ZNF709: variants seen among roughly 807,000 people sequenced by gnomAD.
The protein encoded by ZNF709 is zinc finger protein 709.
ZNF709 carries 15 observed loss-of-function variants against 10.6 expected under a neutral mutation model. The observed-to-expected ratio is 1.41, with a 90% CI of 0.95 to 2.18. The LOEUF (loss-of-function observed/expected upper bound fraction) is 2.18, where lower values mean the gene tolerates loss of function less well. Among genes scored for constraint, ZNF709 ranks in the 30% most tolerant of loss-of-function variants. The pLI is 0.00. For missense variants in ZNF709, 589 were observed against 774.0 expected (o/e 0.76, Z 2.84); for synonymous variants, 194 against 238.8 (o/e 0.81, Z 1.73).
At chr19:12,467,720 C>T (rs1041386918) in intron 1 of ZNF709, among the ~76,000 whole-genome samples, 2 of 151,742 alleles carry the variant, frequency 1.3e-5, no homozygotes, top group African/African-American at 2.4e-5. Flanking sequence ...GGCGGCCCAT[C>T]GTCTGAGAGG....
intron 1 of ZNF709, among the ~76,000 whole-genome samples, chr19:12,473,200 A>G (rs1970648977): frequency 6.6e-6 from 1 of 152,224 alleles, no homozygotes; most frequent in Admixed American, 6.5e-5. Flanking sequence ...AGTATTTTTC[A>G]CAAGAGCAAA....
Position 12,461,228 on chromosome 19 carries a change from AAT to A in ZNF709, c.*2766_*2767del, listed in dbSNP as rs1322785856. Reference sequence around the variant, plus strand: ...TTTAATATATCCTTGCAGAAAATTAAATAGACAAGTGATAGCATACAAGTTAT... The same window carrying A: ...TTTAATATATCCTTGCAGAAAATTAAAGACAAGTGATAGCATACAAGTTAT... On this transcript the variant is annotated 3_prime_UTR_variant, in exon 4 of 4. Transcript: ENST00000397732. 18 of 152,254 alleles carry A rather than the reference AAT, an allele frequency of 1.2e-4. No individual in the cohort carries two copies. Among genetic ancestry groups the A allele is most frequent in the African/African-American group, 4.3e-4 (18 of 41,468 alleles). 9.4% of individuals were successfully genotyped at this position (152,254 alleles called of 1,614,324 possible).
intron 1 of ZNF709, among the ~76,000 whole-genome samples, chr19:12,475,460 A>G (rs2145001821): frequency 6.6e-6 from 1 of 152,244 alleles, no homozygotes; most frequent in South Asian, 2.1e-4. Context: ...AACAGAAATT[A>G]CTAATATCAC....
At chr19:12,479,801 AG>A (rs1204618310) in intron 1 of ZNF709, among the ~76,000 whole-genome samples, 8 of 152,052 alleles carry the variant, frequency 5.3e-5, no homozygotes, top group South Asian at 2.1e-4. Flanking sequence ...ACCTGGGAGT[AG>A]GAGACTGCAG....
At chr19:12,468,307 AAAG>A (rs1342840134) in intron 1 of ZNF709, among the ~76,000 whole-genome samples, 7 of 152,176 alleles carry the variant, frequency 4.6e-5, no homozygotes, top group African/African-American at 1.7e-4. Flanking sequence ...GTCTGTGTAG[AAAG>A]AAGTAGACAT....
At chr19:12,469,002 G>A (rs564185115) in intron 1 of ZNF709, among the ~76,000 whole-genome samples, 105 of 152,088 alleles carry the variant, frequency 6.9e-4, no homozygotes, top group Non-Finnish European at 1.4e-3. Flanking sequence ...CACTATGCCC[G>A]GCTAATTTTT....
At chr19:12,470,297 G>T (rs1306441214) in intron 1 of ZNF709, among the ~76,000 whole-genome samples, 1 of 152,116 alleles carries the variant, frequency 6.6e-6, no homozygotes, top group Non-Finnish European at 1.5e-5. Flanking sequence ...CCTGATACTA[G>T]AATTTACCTA....
rs2144986874 is a variant in ZNF709, at chr19:12,465,495, T to C, written c.427A>G (p.Lys143Glu). ...AAGCTGAATCTTTTCCCACATTCCT[T>C]ACATTCATATGATTTCTCTCCATAT... ...HKYGEKSYEC[K>E]ECGKRFSFRS... The change falls in exon 4 of 4, where the codon AAG (lysine) becomes GAG (glutamate). Residue 143 changes from lysine (K) to glutamate (E), a missense_variant. Coordinates refer to ENST00000397732, the MANE Select transcript of ZNF709 (RefSeq NM_152601.4). 6.2e-7 allele frequency: 1 copy of C among 1,610,388 alleles called. No homozygotes were observed. Among genetic ancestry groups the C allele is most frequent in the Non-Finnish European group, 8.5e-7 (1 of 1,178,736 alleles).
intron 3 of ZNF709, 62 bp downstream of exon 3, chr19:12,466,400 A>T (rs1481443378): frequency 2.8e-6 from 4 of 1,453,380 alleles, no homozygotes; most frequent in African/African-American, 1.4e-5. Flanking sequence ...TCATTTTTTA[A>T]ACCTAATGGC....
At chr19:12,473,702 A>G (rs1381809977) in intron 1 of ZNF709, among the ~76,000 whole-genome samples, 1 of 152,146 alleles carries the variant, frequency 6.6e-6, no homozygotes, top group Admixed American at 6.5e-5. Flanking sequence ...TATTATTACT[A>G]TTTGTGTGTC....
chr19:12,467,289 G>A lies in ZNF709; in HGVS notation c.4-439C>T, dbSNP rs572577826. ...AGTGCCTGCGATTGCAGGCGCGCGCGCCGCCACGCCTGACTGGTTTTCGTA... is the reference window on the plus strand; with the variant it reads ...AGTGCCTGCGATTGCAGGCGCGCGCACCGCCACGCCTGACTGGTTTTCGTA... On this transcript the variant is annotated intron_variant, in intron 1 of 3. Transcript: ENST00000397732. 1.1e-4 allele frequency among the ~76,000 whole-genome samples: 16 copies of A among 152,284 alleles called. No homozygotes were observed. In the East Asian group the frequency reaches 1.9e-3, roughly 18 times the overall value.
At chr19:12,472,521 C>CAAA (rs34678727) in intron 1 of ZNF709, among the ~76,000 whole-genome samples, 14 of 84,592 alleles carry the variant, frequency 1.7e-4, no homozygotes, top group Middle Eastern at 0.01. Flanking sequence ...GACTCCATCT[C>CAAA]AAAAAAAAAA....
In ZNF709 at chr19:12,465,136, T is replaced by C; in HGVS notation, c.786A>G (p.Arg262=). 1 of 1,611,532 alleles carries C rather than the reference T, an allele frequency of 6.2e-7. No individual in the cohort carries two copies. Among genetic ancestry groups the C allele is most frequent in the South Asian group, 1.1e-5 (1 of 90,556 alleles). The change falls in exon 4 of 4, where the codon AGA becomes AGG. Residue 262 remains arginine (R), a synonymous_variant. Coordinates refer to ENST00000397732, the MANE Select transcript of ZNF709 (RefSeq NM_152601.4). ...CATGTATTTGAAAAGTTTGGTAATA[T>C]CTGAAAGCTTTTCCACATTGTTTAC... ...YECKQCGKAF[R]YYQTFQIHER...
At position 12,465,240 on chromosome 19, in the gene ZNF709, C is replaced by G. The variant is rs749011851; in HGVS notation, c.682G>C (p.Glu228Gln). Residue 228 changes from glutamate to glutamine, a missense_variant, in exon 4 of 4, where the codon GAA (glutamate) becomes CAA (glutamine). Around this residue, in one of 2 missense-constraint regions of ZNF709, gnomAD observed 418 missense variants for 496.3 expected, o/e 0.84. Transcript: ENST00000397732. ...HTGEKPYKCK[E>Q]CGKTFSHPSS... ...GGATGACTGAACGTTTTCCCGCATT[C>G]TTTACATTTATAGGGTTTCTCCCCT... 1.9e-6 allele frequency: 3 copies of G among 1,612,746 alleles called. No homozygotes were observed. Among genetic ancestry groups the G allele is most frequent in the Non-Finnish European group, 2.5e-6 (3 of 1,179,104 alleles).
At chr19:12,484,519 A>C (rs1970761278) in intron 1 of ZNF709, 136 bp downstream of exon 1, 2 of 1,216,984 alleles carry the variant, frequency 1.6e-6, no homozygotes, top group Non-Finnish European at 2.3e-6. Flanking sequence ...CCGAGGGCCG[A>C]GCTGCGCCAG....
At chr19:12,466,375 A>C (rs1970570713) in intron 3 of ZNF709, 87 bp downstream of exon 3, 2 of 1,319,350 alleles carry the variant, frequency 1.5e-6, no homozygotes, top group African/African-American at 3.0e-5. Context: ...AATGGGGCTT[A>C]TTTGTTTCAA....
rs1350990090 is a variant in ZNF709, at chr19:12,462,346, G to C, written c.*1650C>G. The C allele has an allele frequency of 6.6e-6, 1 of 152,092 alleles. No individual in the cohort carries two copies. The highest frequency in any genetic ancestry group is 1.5e-5 in the Non-Finnish European group (1 of 68,030). 9.4% of individuals were successfully genotyped at this position (152,092 alleles called of 1,614,324 possible). ...TAGGCTATTGGTGAATTATACCGTG[G>C]AGCCATAAAAGGTTAGATTATAGAA... On this transcript the variant is annotated 3_prime_UTR_variant, in exon 4 of 4. Coordinates refer to ENST00000397732, the MANE Select transcript of ZNF709 (RefSeq NM_152601.4).
chr19:12,464,043 A>G lies in ZNF709; in HGVS notation c.1879T>C (p.Cys627Arg), dbSNP rs1471685161. The G allele has an allele frequency of 6.6e-7, 1 of 1,521,734 alleles. No homozygotes were observed. Among genetic ancestry groups the G allele is most frequent in the African/African-American group, 1.4e-5 (1 of 72,058 alleles). 94.3% of individuals were successfully genotyped at this position (1,521,734 alleles called of 1,614,324 possible). A position where few individuals can be genotyped will look rare whatever the true frequency, so the allele number is the denominator to read the frequency against. The change falls in exon 4 of 4, where the codon TGT becomes CGT. Residue 627 changes from cysteine to arginine, a missense_variant. By Grantham distance (180) the Cys-to-Arg change is radical. Transcript: ENST00000397732. Reference protein sequence around the residue: ...ACQQCGKAFKCSRSFRIHERV... With the variant: ...ACQQCGKAFKRSRSFRIHERV... Reference sequence around the variant, plus strand: ...TCATGTATTCGAAAGGAACGGGAACACTTGAAGGCTTTACCACATTGTTGA... The same window carrying G: ...TCATGTATTCGAAAGGAACGGGAACGCTTGAAGGCTTTACCACATTGTTGA...
intron 1 of ZNF709, among the ~76,000 whole-genome samples, chr19:12,476,428 G>A (rs1970678817): frequency 6.7e-6 from 1 of 150,262 alleles, no homozygotes; most frequent in Non-Finnish European, 1.5e-5. Context: ...GATACTAAAA[G>A]TTAATGAAGA....
Sources: allele counts gnomAD v4.1 joint callset (sites outside exome capture counted in the v4.1 genomes callset), GRCh38; gene constraint gnomAD v4.1.1; regional missense constraint gnomAD v4.1.1; transcripts MANE v1.5; gene names NCBI Gene and HGNC (gene_info 2026-07-23, HGNC 2026-07-21).